MAP3K15: variants seen among roughly 807,000 people sequenced by gnomAD.
The protein encoded by MAP3K15 is mitogen-activated protein kinase kinase kinase 15.
A neutral mutation model predicts 99.5 loss-of-function variants in MAP3K15; 124 were observed. The ratio of observed to expected loss-of-function variants is 1.25; its 90% confidence interval spans 1.08 to 1.45. MAP3K15 has a LOEUF of 1.45. Among genes scored for constraint, MAP3K15 ranks in the 40% most tolerant of loss-of-function variants. The pLI is 0.00. For missense variants in MAP3K15, 1,242 were observed against 1,079.7 expected, an observed-to-expected ratio of 1.15 and a Z score of -2.11; for synonymous variants, 494 against 439.6, an observed-to-expected ratio of 1.12 and a Z score of -1.55.
At chrX:19,416,146 C>A (rs2063732551) in intron 9 of MAP3K15, among the ~76,000 whole-genome samples, 1 of 111,337 alleles carries the variant, frequency 9.0e-6, no homozygotes, top group Non-Finnish European at 1.9e-5. Flanking sequence ...GCCTGGCCAA[C>A]ATGGTGAAAT....
chrX:19,494,878 T>TAAAAAAAAA (rs760808925), intron 1 of MAP3K15, among the ~76,000 whole-genome samples: 1 of 92,466 alleles, frequency 1.1e-5, no homozygotes, highest in Non-Finnish European at 2.2e-5. Context: ...AAGCTACCTT[T>TAAAAAAAAA]AAAAAAAAAA....
chrX:19,494,782 A>G (rs1338725240), intron 1 of MAP3K15, among the ~76,000 whole-genome samples: 1 of 110,183 alleles, frequency 9.1e-6, no homozygotes, highest in Non-Finnish European at 1.9e-5. Flanking sequence ...TGTCAAAATG[A>G]AAAGCGCTAG....
At chrX:19,507,602 A>AAAAAAAAAAAAAAAAAT in intron 1 of MAP3K15, among the ~76,000 whole-genome samples, 1 of 103,722 alleles carries the variant, frequency 9.6e-6, no homozygotes, top group Non-Finnish European at 2.0e-5. Flanking sequence ...AAAAAAAAAA[A>AAAAAAAAAAAAAAAAAT]AAAAAAAAGA....
chrX:19,432,890 T>C (rs2063894709), intron 6 of MAP3K15, among the ~76,000 whole-genome samples: 9 of 110,829 alleles, frequency 8.1e-5, no homozygotes, highest in Non-Finnish European at 1.9e-5. Flanking sequence ...CTAATTTTTG[T>C]AATGTTAATA....
At chrX:19,486,907 G>A (rs767935733) in intron 2 of MAP3K15, among the ~76,000 whole-genome samples, 12 of 111,095 alleles carry the variant, frequency 1.1e-4, no homozygotes, top group African/African-American at 2.9e-4. Flanking sequence ...AGAAGGCACC[G>A]TGCTATCCCC....
intron 6 of MAP3K15, among the ~76,000 whole-genome samples, chrX:19,444,996 T>C (rs2147332812): frequency 9.0e-6 from 1 of 110,629 alleles, no homozygotes; most frequent in African/African-American, 3.3e-5. Flanking sequence ...GGTCCCCAGC[T>C]TCCTCGTCCA....
chrX:19,416,174 T>A (rs2063732892), intron 9 of MAP3K15, among the ~76,000 whole-genome samples: 1 of 110,994 alleles, frequency 9.0e-6, no homozygotes, highest in East Asian at 2.8e-4. Context: ...CTACTAAAAA[T>A]ACAAAAATTA....
At chrX:19,446,234 T>C (rs1298755422) in intron 6 of MAP3K15, among the ~76,000 whole-genome samples, 1 of 112,097 alleles carries the variant, frequency 8.9e-6, no homozygotes, top group Non-Finnish European at 1.9e-5. Context: ...GGTGACGTAA[T>C]TGAGTTTACA....
Position 19,476,072 on chromosome X carries a change from A to G in MAP3K15, c.525+10410T>C, listed in dbSNP as rs749620312. Among the ~76,000 whole-genome samples, 17 of 112,329 alleles carry G rather than the reference A, an allele frequency of 1.5e-4. No homozygotes were observed. The East Asian group carries it at 4.2e-3, about 28-fold the overall frequency. ...AAATTAATTCTTTGCAGCAAATATGATATGTCTGAGTTTGTACCAGCGAAC... is the reference window on the plus strand; with the variant it reads ...AAATTAATTCTTTGCAGCAAATATGGTATGTCTGAGTTTGTACCAGCGAAC... On this transcript the variant is annotated intron_variant, in intron 3 of 28. Coordinates refer to ENST00000338883, the MANE Select transcript of MAP3K15 (RefSeq NM_001001671.4).
intron 3 of MAP3K15, among the ~76,000 whole-genome samples, chrX:19,473,624 C>T (rs745338001): frequency 2.1e-4 from 24 of 111,857 alleles, no homozygotes; most frequent in Non-Finnish European, 3.2e-4. Flanking sequence ...ATTTCCAAAA[C>T]GGTGATTCTG....
chrX:19,381,746 G>A (rs1215057028), intron 18 of MAP3K15, among the ~76,000 whole-genome samples: 2 of 112,200 alleles, frequency 1.8e-5, no homozygotes, highest in Admixed American at 9.4e-5. Context: ...CAAGGGCTCT[G>A]CGAATAACAT....
At chrX:19,403,809 C>A (rs113498344) in intron 13 of MAP3K15, among the ~76,000 whole-genome samples, 5 of 110,736 alleles carry the variant, frequency 4.5e-5, no homozygotes, top group South Asian at 3.8e-4. Context: ...TTGTCTGAGA[C>A]ACAATGAATT....
At position 19,446,224 on chromosome X, in the gene MAP3K15, G is replaced by A. The variant is rs764289053; in HGVS notation, c.995+10689C>T. 8.0e-5 allele frequency among the ~76,000 whole-genome samples: 9 copies of A among 111,970 alleles called. No individual in the cohort carries two copies. The South Asian group carries it at 1.5e-3, about 18-fold the overall frequency. Reference sequence around the variant, plus strand: ...AGTAGGTTTTCCTCTCCCTGGGAACGGTGACGTAATTGAGTTTACAACAAC... The same window carrying A: ...AGTAGGTTTTCCTCTCCCTGGGAACAGTGACGTAATTGAGTTTACAACAAC... On this transcript the variant is annotated intron_variant, in intron 6 of 28. Coordinates refer to ENST00000338883, the MANE Select transcript of MAP3K15 (RefSeq NM_001001671.4).
intron 18 of MAP3K15, among the ~76,000 whole-genome samples, chrX:19,389,290 G>A (rs1321298966): frequency 3.2e-5 from 3 of 93,515 alleles, no homozygotes; most frequent in Non-Finnish European, 4.1e-5. Context: ...GCTATACCTC[G>A]ATAAGGCTGC....
At chrX:19,399,206 C>T (rs149907850) in intron 14 of MAP3K15, among the ~76,000 whole-genome samples, 1,159 of 111,447 alleles carry the variant, frequency 0.01, 18 homozygotes, top group African/African-American at 0.036. Flanking sequence ...TTTGGGAGGC[C>T]CAGGCAGGAG....
chrX:19,464,107 T>G lies in MAP3K15; in HGVS notation c.719+106A>C, dbSNP rs777163543. 7.7e-5 allele frequency: 51 copies of G among 659,565 alleles called. No individual in the cohort carries two copies. The East Asian group carries it at 1.7e-3, about 21-fold the overall frequency. The allele number at this position is 659,565 out of a possible 1,213,427, so 54.4% of individuals were successfully genotyped here. On this transcript the variant is annotated intron_variant, in intron 4 of 28. Coordinates refer to ENST00000338883, the MANE Select transcript of MAP3K15 (RefSeq NM_001001671.4). ...TAAGTGAGCCAGTAAGGGACAATAG[T>G]GGGTTCTCCAGCAACTCTGTTCATT...
At chrX:19,487,030 G>A (rs894255319) in intron 2 of MAP3K15, among the ~76,000 whole-genome samples, 3 of 104,497 alleles carry the variant, frequency 2.9e-5, no homozygotes, top group South Asian at 8.7e-4. Flanking sequence ...AACTGTCTAG[G>A]AATGTTCAAA....
chrX:19,436,421 T>C (rs1416697461), intron 6 of MAP3K15, among the ~76,000 whole-genome samples: 1 of 111,273 alleles, frequency 9.0e-6, no homozygotes, highest in East Asian at 2.8e-4. Context: ...TCTCCTACTT[T>C]AGTCCATCTC....
chrX:19,485,853 T>C (rs12006993), intron 3 of MAP3K15, among the ~76,000 whole-genome samples: 4,830 of 110,993 alleles, frequency 0.044, 269 homozygotes, highest in African/African-American at 0.15. Flanking sequence ...CACTCAAGGG[T>C]ACAGGATAAC....
Sources: gnomAD v4.1 joint callset for allele counts (sites outside exome capture counted in the v4.1 genomes callset) on GRCh38, gnomAD v4.1.1 for gene constraint, MANE v1.5 for transcripts, NCBI Gene and HGNC (gene_info 2026-07-23, HGNC 2026-07-21) for gene names.